The following SLC6A9 variants were observed in gnomAD, a reference collection of about 807,000 sequenced individuals.
SLC6A9 encodes sodium- and chloride-dependent glycine transporter 1.
SLC6A9 carries 31 observed loss-of-function variants against 70.9 expected under a neutral mutation model. The ratio of observed to expected loss-of-function variants is 0.44; its 90% CI spans 0.33 to 0.59. The LOEUF (loss-of-function observed/expected upper bound fraction) is 0.59, where lower values mean the gene tolerates loss of function less well. Ranked by LOEUF, SLC6A9 falls within the 20% of genes least tolerant of loss-of-function variation. The pLI is 0.04. For synonymous variants in SLC6A9, 310 were observed against 341.3 expected (o/e 0.91, Z 1.01); for missense variants, 631 against 845.2 (o/e 0.75, Z 3.14).
In SLC6A9 at chr1:44,001,327, C is replaced by T. The variant is rs373625309; in HGVS notation, c.1201-29G>A. ...CAGGATGTGGCTGTCAGATCGGAGA[C>T]CTGCCCCTTGTTCCTGTCCCCTCCC... is the stretch of plus-strand genomic sequence containing the variant. On this transcript the variant is annotated intron_variant, in intron 9 of 13. Coordinates refer to ENST00000372310, the MANE Select transcript of SLC6A9 (RefSeq NM_001024845.3). The T allele has an allele frequency of 1.1e-5, 18 of 1,613,998 alleles. No homozygotes were observed. The African/African-American group carries it at 2.4e-4, about 22-fold the overall frequency.
At chr1:44,009,052 T>C (rs1453236512) in intron 4 of SLC6A9, among the ~76,000 whole-genome samples, 59 of 94,210 alleles carry the variant, frequency 6.3e-4, no homozygotes, top group Non-Finnish European at 8.3e-4. Flanking sequence ...TGAGACGGAG[T>C]TTTTGCTTTT....
chr1:44,005,962 C>A (rs904478370), intron 5 of SLC6A9, among the ~76,000 whole-genome samples: 1 of 152,228 alleles, frequency 6.6e-6, no homozygotes, highest in Non-Finnish European at 1.5e-5. Flanking sequence ...TTTGAAGGCT[C>A]TTCCCCTCTG....
chr1:44,010,456 C>CTGGG (rs1340034589), intron 3 of SLC6A9: 1 of 52,672 alleles, frequency 1.9e-5, no homozygotes, highest in Non-Finnish European at 5.7e-5. Flanking sequence ...GCCTTGTGGG[C>CTGGG]GGGGGGGGGG....
In SLC6A9 at chr1:44,008,496, G is replaced by T. The variant is rs1395590683; in HGVS notation, c.447C>A (p.Asn149Lys). Residue 149 changes from asparagine (N) to lysine (K), a missense_variant, in exon 5 of 14, where the codon AAC (asparagine) becomes AAA (lysine). Physicochemically the swap from Asn to Lys is moderately conservative, Grantham distance 94 (BLOSUM62 0). Transcript: ENST00000372310. ...CGGCGCAGTCATGCGTGTTCCAGGGGTTATTGCAGTAGGCCCAGGGCAGCA... is the reference window on the plus strand; with the variant it reads ...CGGCGCAGTCATGCGTGTTCCAGGGTTTATTGCAGTAGGCCCAGGGCAGCA... ...THVLPWAYCNNPWNTHDCAGV... is the reference protein window; with the variant it reads ...THVLPWAYCNKPWNTHDCAGV... 3.7e-6 allele frequency: 6 copies of T among 1,614,190 alleles called. No homozygotes were observed. The highest frequency in any genetic ancestry group is 5.1e-6 in the Non-Finnish European group (6 of 1,180,028).
intron 2 of SLC6A9, among the ~76,000 whole-genome samples, chr1:44,012,430 C>T (rs1445535153): frequency 6.6e-6 from 1 of 152,260 alleles, no homozygotes; most frequent in African/African-American, 2.4e-5. Flanking sequence ...TCACACCCTC[C>T]ACAGAGGGCA....
chr1:44,022,060 G>A lies in SLC6A9; in HGVS notation c.30+2188C>T, dbSNP rs147771554. On this transcript the variant is annotated intron_variant, in intron 2 of 13. Coordinates refer to ENST00000372310, the MANE Select transcript of SLC6A9 (RefSeq NM_001024845.3). ...AAGGGCAGAGAGCGGGGAGGAGAGCGAGCCCCAGCTATCTTTAGGCACATC... is the reference window on the plus strand; with the variant it reads ...AAGGGCAGAGAGCGGGGAGGAGAGCAAGCCCCAGCTATCTTTAGGCACATC... Among the ~76,000 whole-genome samples the A allele has an allele frequency of 3.3e-5, 5 of 152,358 alleles. No individual in the cohort carries two copies. In the East Asian group the frequency reaches 5.8e-4, roughly 18 times the overall value.
chr1:44,005,223 G>T (rs59085555), intron 5 of SLC6A9, among the ~76,000 whole-genome samples: 4,218 of 152,252 alleles, frequency 0.028, 197 homozygotes, highest in African/African-American at 0.097. Flanking sequence ...AGGGACCGCA[G>T]AGGTGAGAAG....
intron 2 of SLC6A9, among the ~76,000 whole-genome samples, chr1:44,021,935 A>G (rs2086890753): frequency 6.6e-6 from 1 of 152,252 alleles, no homozygotes; most frequent in African/African-American, 2.4e-5. Flanking sequence ...CATCAGCAGA[A>G]CTGAAAAGGA....
chr1:44,001,106 AC>A, intron 10 of SLC6A9, 51 bp from the exon 11 acceptor site: 1 of 1,612,306 alleles, frequency 6.2e-7, no homozygotes, highest in Non-Finnish European at 8.5e-7. Flanking sequence ...GGGCTCCCCA[AC>A]CCTTCCCTGC....
intron 1 of SLC6A9, among the ~76,000 whole-genome samples, chr1:44,030,234 G>A (rs1316408524): frequency 6.6e-6 from 1 of 152,182 alleles, no homozygotes; most frequent in African/African-American, 2.4e-5. Context: ...TTTAATCGGG[G>A]AGAGAGATGT....
chr1:44,010,469 G>GT, intron 3 of SLC6A9: 10 of 254,122 alleles, frequency 3.9e-5, no homozygotes, highest in East Asian at 1.6e-4. Flanking sequence ...GGGGGGGGGG[G>GT]GGTTAGGTCC....
At position 44,000,662 on chromosome 1, in the gene SLC6A9, T is replaced by TC. The variant is rs144951274; in HGVS notation, c.1536+104dup. On this transcript the variant is annotated intron_variant, in intron 12 of 13. Coordinates refer to ENST00000372310, the MANE Select transcript of SLC6A9 (RefSeq NM_001024845.3). ...AAGGCCAGAGTCATGGGTATGGAGC[T>TC]CCGGCCAGGTGCGGGAGCTCCCACT... 3.4e-3 allele frequency: 2,535 copies of TC among 744,200 alleles called. 52 individuals are homozygous for TC. In the African/African-American group the frequency reaches 0.041, roughly 12 times the overall value. 46.1% of individuals were successfully genotyped at this position (744,200 alleles called of 1,614,324 possible). A position where few individuals can be genotyped will look rare whatever the true frequency, so the allele number is the denominator to read the frequency against.
At position 44,002,739 on chromosome 1, in the gene SLC6A9, C is replaced by A; in HGVS notation, c.724-93G>T. 6.3e-7 allele frequency: 1 copy of A among 1,591,990 alleles called. No individual in the cohort carries two copies. Among genetic ancestry groups the A allele is most frequent in the South Asian group, 1.1e-5 (1 of 90,154 alleles). ...CCTAATCACCACCAGCCCCCTGGTC[C>A]CTCTCCGGCTCCGGAGTCCCTTCAG... On this transcript the variant is annotated intron_variant, in intron 6 of 13. Coordinates refer to ENST00000372310, the MANE Select transcript of SLC6A9 (RefSeq NM_001024845.3). This position sits in a 1 kb window ranked among gnomAD's most constrained non-coding sequence, Gnocchi z 5.5.
chr1:44,010,598 G>A, intron 3 of SLC6A9, 128 bp downstream of exon 3: 1 of 900,170 alleles, frequency 1.1e-6, no homozygotes, highest in Non-Finnish European at 1.7e-6. Context: ...AGGGATGGGG[G>A]CGAAGGAGGC....
Position 44,013,208 on chromosome 1 carries a change from G to T in SLC6A9, c.31-2326C>A, listed in dbSNP as rs2086631686. 6.6e-6 allele frequency among the ~76,000 whole-genome samples: 1 copy of T among 152,202 alleles called. No individual in the cohort carries two copies. The highest frequency in any genetic ancestry group is 1.9e-4 in the East Asian group (1 of 5,194). On this transcript the variant is annotated intron_variant, in intron 2 of 13. Transcript: ENST00000372310. This position sits in a 1 kb window ranked among gnomAD's most constrained non-coding sequence, Gnocchi z 5.3. ...GGCAAGGCCCTTTGCAGAGATCCAG[G>T]TTCCCAAGGCTTGAAGATCAAGGCC...
chr1:44,002,332 A>C lies in SLC6A9; in HGVS notation c.943T>G (p.Phe315Val). ...GLITMASYNK[F>V]HNNCYRDSVI... Reference sequence around the variant, plus strand: ...ACTCACCGGTAACAGTTATTGTGGAACTTGTTGTAGGAAGCCATGGTGATG... The same window carrying C: ...ACTCACCGGTAACAGTTATTGTGGACCTTGTTGTAGGAAGCCATGGTGATG... Residue 315 changes from phenylalanine to valine, a missense_variant, in exon 8 of 14, where the codon TTC (phenylalanine) becomes GTC (valine). Phe to Val is a conservative substitution (Grantham distance 50). Coordinates refer to ENST00000372310, the MANE Select transcript of SLC6A9 (RefSeq NM_001024845.3). This position sits in a 1 kb window ranked among gnomAD's most constrained non-coding sequence, Gnocchi z 5.5. 6.2e-7 allele frequency: 1 copy of C among 1,613,564 alleles called. No individual in the cohort carries two copies. The highest frequency in any genetic ancestry group is 8.5e-7 in the Non-Finnish European group (1 of 1,179,510).
At chr1:44,017,317 G>A (rs2086784982) in intron 2 of SLC6A9, 5 of 1,424,028 alleles carry the variant, frequency 3.5e-6, no homozygotes, top group Non-Finnish European at 4.6e-6. Flanking sequence ...CTGGAGTGGG[G>A]TGTGTGGGGT....
chr1:44,005,745 C>G (rs2086284514), intron 5 of SLC6A9, among the ~76,000 whole-genome samples: 1 of 152,246 alleles, frequency 6.6e-6, no homozygotes, highest in South Asian at 2.1e-4. Context: ...CTAGTAGGTG[C>G]TCAACAATAA....
chr1:44,020,957 T>C (rs892293340), intron 2 of SLC6A9, among the ~76,000 whole-genome samples: 2 of 152,166 alleles, frequency 1.3e-5, no homozygotes, highest in Admixed American at 6.5e-5. Flanking sequence ...TGCTCAGACA[T>C]GGGAAGAGGT....
Sources: gnomAD v4.1 joint callset for allele counts (sites outside exome capture counted in the v4.1 genomes callset) on GRCh38, gnomAD v4.1.1 for gene constraint, Gnocchi (gnomAD v3.1) non-coding constraint, MANE v1.5 for transcripts, NCBI Gene and HGNC (gene_info 2026-07-23, HGNC 2026-07-21) for gene names.